Variants in IL12B observed in about 807,000 individuals in gnomAD.
IL12B encodes the protein interleukin 12B, also known as interleukin-12 subunit beta.
Under a neutral mutation model 39.2 loss-of-function variants are expected in IL12B, and 27 were observed. That is an observed-to-expected ratio of 0.69 (90% confidence interval 0.51 to 0.95). The LOEUF (loss-of-function observed/expected upper bound fraction) is 0.95. Among genes scored for constraint, IL12B ranks in the 40% least tolerant of loss-of-function variants. The pLI, the probability that IL12B is intolerant of heterozygous loss-of-function variation, is 0.00. For synonymous variants in IL12B, 142 were observed against 152.1 expected, an observed-to-expected ratio of 0.93 and a Z score of 0.49; for missense variants, 351 against 397.6, an observed-to-expected ratio of 0.88 and a Z score of 1.00.
At position 159,320,316 on chromosome 5, in the gene IL12B, G is replaced by C. The variant is rs923137937; in HGVS notation, c.687C>G (p.Ile229Met). 2 of 1,613,796 alleles carry C rather than the reference G, an allele frequency of 1.2e-6. No individual in the cohort carries two copies. Among genetic ancestry groups the C allele is most frequent in the Non-Finnish European group, 1.7e-6 (2 of 1,179,826 alleles). Residue 229 changes from isoleucine to methionine, a missense_variant, in exon 5 of 8, where the codon ATC (isoleucine) becomes ATG (methionine). Physicochemically the swap from Ile to Met is conservative, Grantham distance 10. Transcript: ENST00000231228. ...TCATCCAAAACTCACTGATGTCCCT[G>C]ATGAAGAAGCTGCTGGTGTAGTTTT... ...KYENYTSSFFIRDIIKPDPPK... is the reference protein window; with the variant it reads ...KYENYTSSFFMRDIIKPDPPK...
intron 1 of IL12B, among the ~76,000 whole-genome samples, chr5:159,330,002 A>G (rs1336302971): frequency 6.6e-6 from 1 of 152,206 alleles, no homozygotes; most frequent in Non-Finnish European, 1.5e-5. Context: ...CATTATTATA[A>G]TTATGAATCC....
chr5:159,319,880 T>C (rs1418872542), intron 5 of IL12B, among the ~76,000 whole-genome samples: 1 of 152,244 alleles, frequency 6.6e-6, no homozygotes, highest in African/African-American at 2.4e-5. Context: ...TTGGAAGGGT[T>C]TATATTCTAA....
chr5:159,318,912 A>C lies in IL12B; in HGVS notation c.698-19T>G. The C allele has an allele frequency of 6.2e-7, 1 of 1,610,904 alleles. No homozygotes were observed. The highest frequency in any genetic ancestry group is 8.5e-7 in the Non-Finnish European group (1 of 1,177,638). ...GGTTTGACTGTGGAAGAGGATAAAC[A>C]TGCTTTATTTTCCTAATAAGGCTTT... On this transcript the variant is annotated intron_variant, in intron 5 of 7. Transcript: ENST00000231228.
chr5:159,322,758 C>T (rs1754114394), intron 3 of IL12B, among the ~76,000 whole-genome samples: 1 of 152,168 alleles, frequency 6.6e-6, no homozygotes, highest in African/African-American at 2.4e-5. Flanking sequence ...GAGTGATACA[C>T]TATCGGTTAA....
At chr5:159,323,490 C>T (rs1754135791) in intron 2 of IL12B, among the ~76,000 whole-genome samples, 161 bp from the exon 3 acceptor site, 1 of 152,192 alleles carries the variant, frequency 6.6e-6, no homozygotes, top group African/African-American at 2.4e-5. Context: ...TGAGACCCTG[C>T]TTGGGCTCAA....
At chr5:159,318,681 G>A in intron 6 of IL12B, 55 bp downstream of exon 6, 1 of 1,470,086 alleles carries the variant, frequency 6.8e-7, no homozygotes, top group East Asian at 2.3e-5. Context: ...CTCACTTTAT[G>A]GTGGGCCTCC....
chr5:159,323,356 A>G (rs747938046), intron 2 of IL12B, 27 bp from the exon 3 acceptor site: 1 of 1,610,696 alleles, frequency 6.2e-7, no homozygotes, highest in Non-Finnish European at 8.5e-7. Context: ...GTGGAGAACC[A>G]GGCTGTAAGC....
chr5:159,321,898 C>T (rs539446793), intron 4 of IL12B, among the ~76,000 whole-genome samples: 1 of 152,200 alleles, frequency 6.6e-6, no homozygotes, highest in African/African-American at 2.4e-5. Context: ...CAACAGCGAA[C>T]TTCAGATTAG....
intron 4 of IL12B, among the ~76,000 whole-genome samples, chr5:159,321,259 C>T (rs1754084657): frequency 6.6e-6 from 1 of 151,718 alleles, no homozygotes; most frequent in Non-Finnish European, 1.5e-5. Context: ...TCTGTCTCAG[C>T]CTCCCAAAGA....
At chr5:159,326,656 A>G (rs1055712257) in intron 2 of IL12B, 39 bp downstream of exon 2, 1 of 1,422,638 alleles carries the variant, frequency 7.0e-7, no homozygotes, top group African/African-American at 1.4e-5. Context: ...CCTGGCTTAG[A>G]AGTGGGGCCT....
chr5:159,319,354 C>T (rs967579448), intron 5 of IL12B, among the ~76,000 whole-genome samples: 10 of 152,170 alleles, frequency 6.6e-5, no homozygotes, highest in South Asian at 2.1e-4. Context: ...GCTTTTGGTG[C>T]GGACATGTCT....
At chr5:159,320,269 T>C (rs1416242807) in intron 5 of IL12B, 37 bp downstream of exon 5, 4 of 1,560,602 alleles carry the variant, frequency 2.6e-6, no homozygotes, top group Middle Eastern at 1.7e-4. Flanking sequence ...AAATAGTATC[T>C]TTCCTTATGG....
rs1754131707 is a variant in IL12B, at chr5:159,323,260, G to A, written c.158C>T (p.Pro53Leu). The change falls in exon 3 of 8, where the codon CCT becomes CTT. Residue 53 changes from proline (P) to leucine (L), a missense_variant. Coordinates refer to ENST00000231228, the MANE Select transcript of IL12B (RefSeq NM_002187.3). Reference sequence around the variant, plus strand: ...GGTCCAGGTGATACCATCTTCTTCAGGGGTGTCACAGGTGAGGACCACCAT... The same window carrying A: ...GGTCCAGGTGATACCATCTTCTTCAAGGGTGTCACAGGTGAGGACCACCAT... ...GEMVVLTCDTPEEDGITWTLD... is the reference protein window; with the variant it reads ...GEMVVLTCDTLEEDGITWTLD... 1 of 1,613,872 alleles carries A rather than the reference G, an allele frequency of 6.2e-7. No homozygotes were observed. The highest frequency in any genetic ancestry group is 1.1e-5 in the South Asian group (1 of 91,080).
At chr5:159,319,002 A>C (rs989927547) in intron 5 of IL12B, 109 bp from the exon 6 acceptor site, 8 of 952,106 alleles carry the variant, frequency 8.4e-6, no homozygotes, top group African/African-American at 4.9e-5. Flanking sequence ...TCCACTGGAT[A>C]GTTACTTAAC....
Position 159,316,784 on chromosome 5 carries a change from G to C in IL12B, c.888C>G (p.Ala296=), listed in dbSNP as rs374523632. The change falls in exon 7 of 8, where the codon GCC becomes GCG. Residue 296 remains alanine, a synonymous_variant. Coordinates refer to ENST00000231228, the MANE Select transcript of IL12B (RefSeq NM_002187.3). The part of the protein sequence containing the change: ...KDRVFTDKTS[A]TVICRKNASI... ...TGGCATTTTTGCGGCAGATGACCGT[G>C]GCTGAGGTCTTGTCCGTGAAGACTC... is the stretch of plus-strand genomic sequence containing the variant. 2.5e-6 allele frequency: 4 copies of C among 1,613,986 alleles called. No homozygotes were observed. Among genetic ancestry groups the C allele is most frequent in the African/African-American group, 2.7e-5 (2 of 74,918 alleles).
rs1753978797 is a variant in IL12B at position 159,315,738 on chromosome 5, A to G, written c.*363T>C. ...AAATAAAATTAAATTCACATTTTGC[A>G]TAATAGGGACTGATCCTGATGGATC... On this transcript the variant is annotated 3_prime_UTR_variant, in exon 8 of 8. Coordinates refer to ENST00000231228, the MANE Select transcript of IL12B (RefSeq NM_002187.3). 6.5e-6 allele frequency: 1 copy of G among 152,816 alleles called. No individual in the cohort carries two copies. The highest frequency in any genetic ancestry group is 2.4e-5 in the African/African-American group (1 of 41,474). The allele number at this position is 152,816 out of a possible 1,614,324, so 9.5% of individuals were successfully genotyped here.
At chr5:159,327,032 G>C (rs909354457) in intron 1 of IL12B, among the ~76,000 whole-genome samples, 1 of 151,960 alleles carries the variant, frequency 6.6e-6, no homozygotes, top group Admixed American at 6.6e-5. Context: ...AGAACCATAG[G>C]GTATTTGGGG....
rs919556121 is a variant in IL12B at position 159,330,094 on chromosome 5, C to T, written c.-1+338G>A. ...ACCACTCACTTTAGCTCTATACAATCCTTTAACTGATGGGCATTAACATTT... is the reference window on the plus strand; with the variant it reads ...ACCACTCACTTTAGCTCTATACAATTCTTTAACTGATGGGCATTAACATTT... On this transcript the variant is annotated intron_variant, in intron 1 of 7. Transcript: ENST00000231228. Among the ~76,000 whole-genome samples the T allele has an allele frequency of 1.6e-4, 24 of 152,304 alleles. No individual in the cohort carries two copies. The East Asian group carries it at 4.4e-3, about 28-fold the overall frequency.
chr5:159,327,453 C>A (rs3212219), intron 1 of IL12B, among the ~76,000 whole-genome samples: 40,678 of 152,048 alleles, frequency 0.27, 5,996 homozygotes, highest in East Asian at 0.48. Context: ...GTCACCAGCC[C>A]TTGCTGTAGG....
Sources: gnomAD v4.1 joint callset for allele counts (sites outside exome capture counted in the v4.1 genomes callset) on GRCh38, gnomAD v4.1.1 for gene constraint, MANE v1.5 for transcripts, NCBI Gene and HGNC (gene_info 2026-07-23, HGNC 2026-07-21) for gene names.